The following MTSS1 variants were observed in gnomAD, a reference collection of about 807,000 sequenced individuals.
The protein encoded by MTSS1 is MTSS I-BAR domain containing 1.
Under a neutral mutation model 79.0 loss-of-function variants are expected in MTSS1, and 18 were observed. The ratio of observed to expected loss-of-function variants is 0.23; its 90% CI spans 0.16 to 0.34. MTSS1 has a LOEUF of 0.34. MTSS1 is among the 10% of genes least tolerant of loss of function. MTSS1 has a pLI of 1.00. For synonymous variants in MTSS1, 341 were observed against 368.6 expected, an observed-to-expected ratio of 0.93 and a Z score of 0.86; for missense variants, 815 against 986.2, an observed-to-expected ratio of 0.83 and a Z score of 2.33.
chr8:124,619,947 C>CTTTTCTTTTCTTTTCTTTTCTTTTCTT (rs1813160034), intron 3 of MTSS1, among the ~76,000 whole-genome samples: 2 of 151,894 alleles, frequency 1.3e-5, no homozygotes, highest in African/African-American at 4.8e-5. Flanking sequence ...CTTTTCTTTT[C>CTTTTCTTTTCTTTTCTTTTCTTTTCTT]TTTTCTTTTC....
At chr8:124,609,632 C>T (rs543183705) in intron 3 of MTSS1, among the ~76,000 whole-genome samples, 1 of 152,288 alleles carries the variant, frequency 6.6e-6, no homozygotes, top group East Asian at 1.9e-4. Context: ...CTAAGGGGAC[C>T]AAGTGCATTC....
intron 3 of MTSS1, among the ~76,000 whole-genome samples, chr8:124,595,232 C>G (rs1832555329): frequency 6.6e-6 from 1 of 152,108 alleles, no homozygotes; most frequent in South Asian, 2.1e-4. Flanking sequence ...CCTGGTCAGC[C>G]TAGAGATACA....
chr8:124,602,207 A>ACACACACACACATATATATATAT, intron 3 of MTSS1, among the ~76,000 whole-genome samples: 5 of 142,216 alleles, frequency 3.5e-5, no homozygotes, highest in East Asian at 4.0e-4. Flanking sequence ...ATATATATAT[A>ACACACACACACATATATATATAT]ATTTTTTTTT....
At chr8:124,723,917 C>G (rs894316782) in intron 1 of MTSS1, among the ~76,000 whole-genome samples, 1 of 152,108 alleles carries the variant, frequency 6.6e-6, no homozygotes, top group Non-Finnish European at 1.5e-5. Flanking sequence ...TTTTTTGAGG[C>G]CTCCAAGGGA....
chr8:124,691,470 A>G (rs1326311649), intron 3 of MTSS1, among the ~76,000 whole-genome samples: 1 of 152,226 alleles, frequency 6.6e-6, no homozygotes, highest in Non-Finnish European at 1.5e-5. Flanking sequence ...ACGTACATAC[A>G]TGTACACAAA....
chr8:124,556,712 C>T (rs1282112605), intron 11 of MTSS1: 8 of 401,242 alleles, frequency 2.0e-5, no homozygotes, highest in African/African-American at 1.4e-4. Flanking sequence ...GCTAAGGGGA[C>T]CCACCAGTGG....
chr8:124,662,512 A>C (rs1822243972), intron 3 of MTSS1, among the ~76,000 whole-genome samples: 1 of 151,998 alleles, frequency 6.6e-6, no homozygotes, highest in Non-Finnish European at 1.5e-5. Flanking sequence ...TGTCCATCAC[A>C]ATTACCTGGA....
chr8:124,691,032 T>TA (rs1042988300), intron 3 of MTSS1, among the ~76,000 whole-genome samples: 3 of 152,106 alleles, frequency 2.0e-5, no homozygotes, highest in East Asian at 1.9e-4. Flanking sequence ...ATGACAGCTT[T>TA]AAAAAAAATG....
At chr8:124,612,880 T>C (rs1228272273) in intron 3 of MTSS1, among the ~76,000 whole-genome samples, 6 of 152,164 alleles carry the variant, frequency 3.9e-5, no homozygotes, top group Non-Finnish European at 8.8e-5. Flanking sequence ...ATTAAGTAAA[T>C]AGGACAACCA....
At chr8:124,648,119 A>T (rs1819311563) in intron 3 of MTSS1, among the ~76,000 whole-genome samples, 1 of 152,168 alleles carries the variant, frequency 6.6e-6, no homozygotes, top group African/African-American at 2.4e-5. Context: ...GGCAAGACTC[A>T]CCCCATCCCA....
At position 124,552,898 on chromosome 8, in the gene MTSS1, A is replaced by C; in HGVS notation, c.*94T>G. On this transcript the variant is annotated 3_prime_UTR_variant, in exon 14 of 14. Transcript: ENST00000518547. ...GAGCTATATTCCGAGTTGCCTACAA[A>C]ATCTTTTGTTTTATTATAGAGTGGA... 7.5e-7 allele frequency: 1 copy of C among 1,332,464 alleles called. No homozygotes were observed. The highest frequency in any genetic ancestry group is 1.0e-6 in the Non-Finnish European group (1 of 972,476). The allele number at this position is 1,332,464 out of a possible 1,614,324, so 82.5% of individuals were successfully genotyped here. A position where few individuals can be genotyped will look rare whatever the true frequency, so the allele number is the denominator to read the frequency against.
chr8:124,622,060 AAGAGAGAGAGAG>A (rs55869660), intron 3 of MTSS1, among the ~76,000 whole-genome samples: 42 of 110,116 alleles, frequency 3.8e-4, no homozygotes, highest in African/African-American at 6.3e-4. Flanking sequence ...CAGAAAGAGA[AAGAGAGAGAGAG>A]AGAGAGAGAG....
chr8:124,651,803 A>G (rs1292199636), intron 3 of MTSS1, among the ~76,000 whole-genome samples: 1 of 152,116 alleles, frequency 6.6e-6, no homozygotes, highest in Non-Finnish European at 1.5e-5. Flanking sequence ...ACCCAGTGAC[A>G]TCCTGTTTTT....
intron 3 of MTSS1, among the ~76,000 whole-genome samples, chr8:124,663,897 G>A (rs1822557892): frequency 6.6e-6 from 1 of 152,220 alleles, no homozygotes; most frequent in African/African-American, 2.4e-5. Context: ...GGAGCACAGA[G>A]AGGAGCGCAG....
rs532883821 is a variant in MTSS1 at position 124,718,096 on chromosome 8, G to A, written c.72+9788C>T. ...CCCTGACCCTTTGCTGAAAATGTGC[G>A]AGCCCTTGTGAGTGTGAACATAACC... On this transcript the variant is annotated intron_variant, in intron 1 of 13. Transcript: ENST00000518547. 1.2e-4 allele frequency among the ~76,000 whole-genome samples: 18 copies of A among 152,278 alleles called. 1 individual carries two copies. The South Asian group carries it at 2.1e-3, about 18-fold the overall frequency.
In MTSS1 at chr8:124,553,029, GTCT is replaced by G. The variant is rs1164228041; in HGVS notation, c.2228_2230del (p.Lys743del). 5.6e-6 allele frequency: 9 copies of G among 1,614,068 alleles called. No individual in the cohort carries two copies. Among genetic ancestry groups the G allele is most frequent in the Non-Finnish European group, 7.6e-6 (9 of 1,179,972 alleles). Reference sequence around the variant, plus strand: ...AGGGGCTGAGCGATCGTTTGTCGTGGTCTTCTTCAGTTTCACGCCCCTTCGGAT... The same window carrying G: ...AGGGGCTGAGCGATCGTTTGTCGTGGTCTTCAGTTTCACGCCCCTTCGGAT... On this transcript the variant is annotated inframe_deletion, in exon 14 of 14. Transcript: ENST00000518547. The surrounding 1 kb of genome is among the most constrained non-coding windows in gnomAD (Gnocchi z 6.0).
At chr8:124,561,530 A>G (rs936631205) in intron 10 of MTSS1, among the ~76,000 whole-genome samples, 1 of 152,128 alleles carries the variant, frequency 6.6e-6, no homozygotes, top group Non-Finnish European at 1.5e-5. Flanking sequence ...GCTTCCCTCC[A>G]TGCCATGGGA....
chr8:124,585,032 A>C, intron 6 of MTSS1, 55 bp downstream of exon 6: 9 of 1,486,910 alleles, frequency 6.1e-6, no homozygotes, highest in Non-Finnish European at 8.4e-6. Flanking sequence ...CACTTCAAAA[A>C]CAAATCAAGT....
intron 3 of MTSS1, among the ~76,000 whole-genome samples, chr8:124,598,814 A>G (rs1833218114): frequency 6.6e-6 from 1 of 152,220 alleles, no homozygotes; most frequent in Non-Finnish European, 1.5e-5. Context: ...AATACTGGAA[A>G]TACCCAAATA....
Sources: gnomAD v4.1 joint callset for allele counts (sites outside exome capture counted in the v4.1 genomes callset) on GRCh38, gnomAD v4.1.1 for gene constraint, Gnocchi (gnomAD v3.1) non-coding constraint, MANE v1.5 for transcripts, NCBI Gene and HGNC (gene_info 2026-07-23, HGNC 2026-07-21) for gene names.